The following RAI14 variants were observed in gnomAD, a reference collection of about 807,000 sequenced individuals.
The protein encoded by RAI14 is retinoic acid induced 14, also known as ankycorbin.
RAI14 carries 45 observed loss-of-function variants against 115.4 expected under a neutral mutation model. The observed-to-expected ratio is 0.39, with a 90% confidence interval of 0.31 to 0.50. RAI14 has a LOEUF of 0.50. Ranked by LOEUF, RAI14 falls within the 20% of genes least tolerant of loss-of-function variation. RAI14 has a pLI of 0.85. For synonymous variants in RAI14, 371 were observed against 415.4 expected (o/e 0.89, Z 1.30); for missense variants, 939 against 1,131.2 (o/e 0.83, Z 2.44).
At chr5:34,796,669 G>A (rs1008663906) in intron 4 of RAI14, among the ~76,000 whole-genome samples, 4 of 152,000 alleles carry the variant, frequency 2.6e-5, no homozygotes, top group African/African-American at 9.7e-5. Flanking sequence ...AGTTACTCAG[G>A]AGCTCATTTC....
intron 2 of RAI14, among the ~76,000 whole-genome samples, chr5:34,746,100 C>CCCT (rs1746171194): frequency 4.0e-5 from 5 of 124,846 alleles, no homozygotes; most frequent in African/African-American, 1.6e-4. Context: ...CTCCCCCCCC[C>CCCT]GCCTTTTTTT....
chr5:34,682,142 A>G (rs1744433092), intron 1 of RAI14, among the ~76,000 whole-genome samples: 1 of 152,040 alleles, frequency 6.6e-6, no homozygotes, highest in Admixed American at 6.6e-5. Context: ...GGCATGAGCC[A>G]CCGTACCTGG....
intron 1 of RAI14, among the ~76,000 whole-genome samples, chr5:34,674,831 C>T (rs930553906): frequency 1.3e-5 from 2 of 151,858 alleles, no homozygotes; most frequent in East Asian, 3.9e-4. Flanking sequence ...TCAGGTGATC[C>T]GCCCATCTCG....
At chr5:34,721,005 A>T (rs1485478534) in intron 2 of RAI14, among the ~76,000 whole-genome samples, 2 of 151,936 alleles carry the variant, frequency 1.3e-5, no homozygotes, top group Non-Finnish European at 2.9e-5. Flanking sequence ...TGCTATTATT[A>T]GTCAGAGGTG....
chr5:34,813,582 A>G lies in RAI14; in HGVS notation c.774A>G (p.Gln258=). 6.2e-7 allele frequency: 1 copy of G among 1,612,492 alleles called. No homozygotes were observed. The highest frequency in any genetic ancestry group is 1.1e-5 in the South Asian group (1 of 90,868). ...KTPTKPKQHD[Q]VSKISSERSG... The stretch of plus-strand genomic sequence containing the variant: ...ACTGTGATAACTTTCAGCATGACCA[A>G]GTCTCTAAAATAAGCTCAGAAAGAA... Residue 258 remains glutamine (Q), a synonymous_variant, in exon 11 of 18, where the codon CAA becomes CAG. Transcript: ENST00000265109.
At chr5:34,755,081 A>C (rs1302662667) in intron 2 of RAI14, among the ~76,000 whole-genome samples, 1 of 151,754 alleles carries the variant, frequency 6.6e-6, no homozygotes. Flanking sequence ...CATTGGTCCT[A>C]AATGTTCTTC....
rs556400000 is a variant in RAI14 at position 34,804,319 on chromosome 5, G to C, written c.321+543G>C. 2.1e-4 allele frequency among the ~76,000 whole-genome samples: 32 copies of C among 152,240 alleles called. No homozygotes were observed. The South Asian group carries it at 5.6e-3, about 27-fold the overall frequency. Reference sequence around the variant, plus strand: ...CTCCCTGGTTCAATAATCTTGCCAGGAAGTTTGTAATGATCCCTTAAAGTG... The same window carrying C: ...CTCCCTGGTTCAATAATCTTGCCAGCAAGTTTGTAATGATCCCTTAAAGTG... On this transcript the variant is annotated intron_variant, in intron 5 of 17. Coordinates refer to ENST00000265109, the MANE Select transcript of RAI14 (RefSeq NM_015577.3).
At chr5:34,812,066 A>T in intron 9 of RAI14, 114 bp from the exon 10 acceptor site, 1 of 1,318,848 alleles carries the variant, frequency 7.6e-7, no homozygotes, top group Non-Finnish European at 1.1e-6. Context: ...TCTTGAAAAA[A>T]AAAGGAGTGT....
Position 34,779,040 on chromosome 5 carries a change from T to C in RAI14, c.168-16899T>C, listed in dbSNP as rs535877324. 1.7e-4 allele frequency among the ~76,000 whole-genome samples: 26 copies of C among 152,110 alleles called. No individual in the cohort carries two copies. The South Asian group carries it at 5.2e-3, about 30-fold the overall frequency. On this transcript the variant is annotated intron_variant, in intron 3 of 17. Coordinates refer to ENST00000265109, the MANE Select transcript of RAI14 (RefSeq NM_015577.3). ...CTTATCCACCAAGATCAAGTGGGCT[T>C]CATCCCTGGGATGCAAGGCTGGTTC...
At chr5:34,776,932 G>T (rs1750929445) in intron 3 of RAI14, among the ~76,000 whole-genome samples, 1 of 152,140 alleles carries the variant, frequency 6.6e-6, no homozygotes, top group African/African-American at 2.4e-5. Context: ...ACTTTGGGAA[G>T]CCGAGGTGGG....
intron 2 of RAI14, among the ~76,000 whole-genome samples, chr5:34,748,900 G>A (rs1214552482): frequency 6.6e-6 from 1 of 151,998 alleles, no homozygotes; most frequent in African/African-American, 2.4e-5. Context: ...TGAATGATAG[G>A]GATTAGATCT....
At chr5:34,674,353 C>T (rs932717619) in intron 1 of RAI14, among the ~76,000 whole-genome samples, 4 of 152,134 alleles carry the variant, frequency 2.6e-5, no homozygotes, top group African/African-American at 4.8e-5. Context: ...TTGTAAATGA[C>T]GTCTCCAACA....
chr5:34,742,056 A>C (rs76870518), intron 2 of RAI14, among the ~76,000 whole-genome samples: 4,372 of 152,288 alleles, frequency 0.029, 211 homozygotes, highest in African/African-American at 0.1. Context: ...GGGATGGAAA[A>C]GAAGTCAATG....
chr5:34,677,146 A>AGGTTAG (rs879688199), intron 1 of RAI14, among the ~76,000 whole-genome samples: 1 of 151,086 alleles, frequency 6.6e-6, no homozygotes. Flanking sequence ...TCTGGATGAA[A>AGGTTAG]TCTATGACAT....
intron 1 of RAI14, among the ~76,000 whole-genome samples, chr5:34,671,189 TG>T (rs1331133342): frequency 6.6e-6 from 1 of 152,110 alleles, no homozygotes; most frequent in Non-Finnish European, 1.5e-5. Context: ...GATGGTCTTT[TG>T]GCACCAGGTA....
chr5:34,729,208 G>T (rs1017638235), intron 2 of RAI14, among the ~76,000 whole-genome samples: 1 of 151,964 alleles, frequency 6.6e-6, no homozygotes, highest in Admixed American at 6.6e-5. Flanking sequence ...AATTAGCCAG[G>T]GGTAGTGGCA....
intron 2 of RAI14, among the ~76,000 whole-genome samples, chr5:34,732,379 T>C (rs1197566891): frequency 2.0e-5 from 3 of 152,036 alleles, no homozygotes; most frequent in Admixed American, 6.6e-5. Flanking sequence ...ATAGTTCTAA[T>C]CTTAACTTAT....
rs767293155 is a variant in RAI14, at chr5:34,756,353, G to A, written c.37-1115G>A. 4.7e-4 allele frequency among the ~76,000 whole-genome samples: 72 copies of A among 152,204 alleles called. No homozygotes were observed. The Middle Eastern group carries it at 0.017, about 36-fold the overall frequency. On this transcript the variant is annotated intron_variant, in intron 2 of 17. Coordinates refer to ENST00000265109, the MANE Select transcript of RAI14 (RefSeq NM_015577.3). ...GGGTCGATCGTAAAGCTGTTAATAC[G>A]AAATACCTGGAGGTTCATCCCTTCA...
intron 15 of RAI14, among the ~76,000 whole-genome samples, chr5:34,825,237 T>C (rs956287271): frequency 1.3e-5 from 2 of 152,186 alleles, no homozygotes; most frequent in African/African-American, 4.8e-5. Context: ...TCAACACCAC[T>C]GCATTCTAGC....
Sources: gnomAD v4.1 joint callset for allele counts (sites outside exome capture counted in the v4.1 genomes callset) on GRCh38, gnomAD v4.1.1 for gene constraint, MANE v1.5 for transcripts, NCBI Gene and HGNC (gene_info 2026-07-23, HGNC 2026-07-21) for gene names.